Variants in LRMDA observed in about 807,000 individuals in gnomAD.
The protein encoded by LRMDA is leucine rich melanocyte differentiation associated.
In LRMDA, 18 loss-of-function variants were observed where a neutral mutation model predicts 29.8. That is an observed-to-expected ratio of 0.60 (90% CI 0.42 to 0.90). The LOEUF (loss-of-function observed/expected upper bound fraction) is 0.90. Ranked by LOEUF, LRMDA falls within the 40% of genes least tolerant of loss-of-function variation. LRMDA has a pLI of 0.00. For missense variants in LRMDA, 273 were observed against 273.9 expected (o/e 1.00, Z 0.02); for synonymous variants, 125 against 109.4 (o/e 1.14, Z -0.89).
rs79201708 is a variant in LRMDA, at chr10:76,261,398, A to G, written c.517-63003A>G. On this transcript the variant is annotated intron_variant, in intron 5 of 6. Coordinates refer to ENST00000611255, the MANE Select transcript of LRMDA (RefSeq NM_001305581.2). The stretch of plus-strand genomic sequence containing the variant: ...GCTTGCGTTTCAATCTAAGCTAATC[A>G]CCTGGGTCAGACCCACACCTCGTAC... Among the ~76,000 whole-genome samples, 420 of 151,994 alleles carry G rather than the reference A, an allele frequency of 2.8e-3. 22 individuals are homozygous for G. In the East Asian group the frequency reaches 0.063, roughly 23 times the overall value.
chr10:75,589,510 T>C (rs566857627), intron 2 of LRMDA, among the ~76,000 whole-genome samples: 3 of 152,240 alleles, frequency 2.0e-5, no homozygotes, highest in South Asian at 4.2e-4. Flanking sequence ...CCCAGCAATT[T>C]TGGTGGCTGA....
intron 6 of LRMDA, among the ~76,000 whole-genome samples, chr10:76,541,014 G>A (rs931952511): frequency 6.6e-6 from 1 of 152,180 alleles, no homozygotes; most frequent in Non-Finnish European, 1.5e-5. Context: ...TAGCACCCAT[G>A]GAGCAACATG....
At chr10:75,604,932 T>C (rs1840936932) in intron 2 of LRMDA, among the ~76,000 whole-genome samples, 3 of 152,240 alleles carry the variant, frequency 2.0e-5, no homozygotes. Context: ...TGTGACATAC[T>C]GAAGACCACC....
intron 2 of LRMDA, among the ~76,000 whole-genome samples, chr10:75,560,517 C>T (rs1840278340): frequency 6.6e-6 from 1 of 151,750 alleles, no homozygotes; most frequent in Middle Eastern, 3.2e-3. Flanking sequence ...TCATTGAATA[C>T]CCTTTATTTG....
At chr10:75,471,346 C>T (rs1019451555) in intron 2 of LRMDA, among the ~76,000 whole-genome samples, 6 of 151,832 alleles carry the variant, frequency 4.0e-5, no homozygotes, top group Admixed American at 6.6e-5. Context: ...CCCAAAGAGC[C>T]GTGTCTCACC....
intron 2 of LRMDA, among the ~76,000 whole-genome samples, chr10:75,464,463 A>G (rs1331230246): frequency 6.6e-6 from 1 of 152,210 alleles, no homozygotes; most frequent in African/African-American, 2.4e-5. Context: ...TTGGGCATAT[A>G]CCAAATCTAG....
chr10:76,271,439 T>G (rs977360555), intron 5 of LRMDA, among the ~76,000 whole-genome samples: 1 of 152,016 alleles, frequency 6.6e-6, no homozygotes, highest in African/African-American at 2.4e-5. Flanking sequence ...CTTATAAAAT[T>G]TCCATGCTAA....
At chr10:76,016,571 G>A (rs1847882715) in intron 2 of LRMDA, among the ~76,000 whole-genome samples, 1 of 152,126 alleles carries the variant, frequency 6.6e-6, no homozygotes, top group Non-Finnish European at 1.5e-5. Context: ...TCATCATTGG[G>A]ACTGAGAGGC....
At chr10:75,567,232 C>T (rs550453269) in intron 2 of LRMDA, among the ~76,000 whole-genome samples, 4 of 152,242 alleles carry the variant, frequency 2.6e-5, no homozygotes, top group South Asian at 2.1e-4. Context: ...TAAGTCTGAT[C>T]GGTTCAGCAC....
intron 2 of LRMDA, among the ~76,000 whole-genome samples, chr10:75,835,024 C>T (rs1844409242): frequency 6.6e-6 from 1 of 152,246 alleles, no homozygotes; most frequent in South Asian, 2.1e-4. Context: ...ATATTTGTTA[C>T]AGCAGCACTC....
chr10:75,780,171 T>G (rs1178036990), intron 2 of LRMDA, among the ~76,000 whole-genome samples: 2 of 152,238 alleles, frequency 1.3e-5, no homozygotes, highest in Non-Finnish European at 2.9e-5. Context: ...TTAGATTCCT[T>G]GTACCCATAA....
At chr10:76,391,017 A>G (rs562710196) in intron 6 of LRMDA, among the ~76,000 whole-genome samples, 1 of 152,324 alleles carries the variant, frequency 6.6e-6, no homozygotes, top group African/African-American at 2.4e-5. Context: ...CTTACCATCC[A>G]ATGGAAATAT....
intron 2 of LRMDA, among the ~76,000 whole-genome samples, chr10:76,019,783 A>T (rs181368066): frequency 7.7e-4 from 117 of 152,212 alleles, no homozygotes; most frequent in Non-Finnish European, 1.5e-3. Flanking sequence ...GACCCTGAAG[A>T]TGTGTTTGAG....
At position 75,905,950 on chromosome 10, in the gene LRMDA, A is replaced by T. The variant is rs534986269; in HGVS notation, c.132-130058A>T. Among the ~76,000 whole-genome samples, 63 of 151,028 alleles carry T rather than the reference A, an allele frequency of 4.2e-4. 1 individual carries two copies. The highest frequency in any genetic ancestry group is 1.0e-3 in the South Asian group (5 of 4,770). ...CAAAGGTTTTTTTTTTCTTTTTTTT[A>T]AAAATGATCTCATTATTTGTTCTCT... On this transcript the variant is annotated intron_variant, in intron 2 of 6. Transcript: ENST00000611255.
chr10:75,909,716 G>A (rs1371396805), intron 2 of LRMDA, among the ~76,000 whole-genome samples: 1 of 152,102 alleles, frequency 6.6e-6, no homozygotes, highest in Non-Finnish European at 1.5e-5. Context: ...GATAATAATA[G>A]TGCCTATATC....
At chr10:76,388,950 T>G (rs1341313758) in intron 6 of LRMDA, among the ~76,000 whole-genome samples, 1 of 152,176 alleles carries the variant, frequency 6.6e-6, no homozygotes, top group Non-Finnish European at 1.5e-5. Flanking sequence ...CCAGTGTTTA[T>G]GCTCTTAATC....
chr10:75,764,164 C>T (rs1355811898), intron 2 of LRMDA, among the ~76,000 whole-genome samples: 2 of 152,074 alleles, frequency 1.3e-5, no homozygotes, highest in African/African-American at 2.4e-5. Flanking sequence ...TCCTTCCTGC[C>T]CACTCCTTCC....
chr10:75,841,052 G>A (rs1844531978), intron 2 of LRMDA, among the ~76,000 whole-genome samples: 1 of 152,184 alleles, frequency 6.6e-6, no homozygotes, highest in Non-Finnish European at 1.5e-5. Context: ...CATACATGCT[G>A]TAGCTCTGGG....
intron 6 of LRMDA, among the ~76,000 whole-genome samples, chr10:76,345,343 A>G (rs1841093772): frequency 6.6e-6 from 1 of 150,906 alleles, no homozygotes; most frequent in Admixed American, 6.6e-5. Flanking sequence ...AAGTGCTGGG[A>G]TTACAGGCGT....
Sources: gnomAD v4.1 joint callset for allele counts (sites outside exome capture counted in the v4.1 genomes callset) on GRCh38, gnomAD v4.1.1 for gene constraint, MANE v1.5 for transcripts, NCBI Gene and HGNC (gene_info 2026-07-23, HGNC 2026-07-21) for gene names.